The following SLCO5A1 variants were observed in gnomAD, a reference collection of about 807,000 sequenced individuals.
SLCO5A1 encodes organic anion transporter polypeptide-related protein 4.
A neutral mutation model predicts 65.1 loss-of-function variants in SLCO5A1; 39 were observed. That is an observed-to-expected ratio of 0.60 (90% CI 0.46 to 0.78). SLCO5A1 has a LOEUF of 0.78. Ranked by LOEUF, SLCO5A1 falls within the 30% of genes least tolerant of loss-of-function variation. SLCO5A1 has a pLI of 0.00. For synonymous variants in SLCO5A1, 438 were observed against 415.7 expected (o/e 1.05, Z -0.65); for missense variants, 1,029 against 1,069.4 (o/e 0.96, Z 0.53).
chr8:69,807,698 T>C (rs1296085720), intron 2 of SLCO5A1, among the ~76,000 whole-genome samples: 1 of 151,880 alleles, frequency 6.6e-6, no homozygotes, highest in Non-Finnish European at 1.5e-5. Context: ...TTTCCTGTTT[T>C]TTGTTTGTTT....
intron 6 of SLCO5A1, among the ~76,000 whole-genome samples, chr8:69,682,738 A>G (rs1052938449): frequency 1.3e-5 from 2 of 152,212 alleles, no homozygotes; most frequent in Non-Finnish European, 1.5e-5. Flanking sequence ...TGGAGAAAAT[A>G]CTTTTTAGTA....
chr8:69,794,203 G>A (rs1411462932), intron 2 of SLCO5A1: 5 of 399,842 alleles, frequency 1.3e-5, no homozygotes, highest in Admixed American at 9.0e-5. Flanking sequence ...GAAGGAGACT[G>A]GATGATAGAA....
intron 6 of SLCO5A1, among the ~76,000 whole-genome samples, chr8:69,686,534 A>G (rs1422886293): frequency 2.0e-5 from 3 of 152,198 alleles, no homozygotes; most frequent in Admixed American, 2.0e-4. Flanking sequence ...AGATCTCAGC[A>G]TAAGTTGTCT....
intron 6 of SLCO5A1, among the ~76,000 whole-genome samples, chr8:69,686,866 GA>G (rs1649778592): frequency 6.6e-6 from 1 of 152,126 alleles, no homozygotes; most frequent in East Asian, 1.9e-4. Context: ...GTGTGAGTCG[GA>G]AAGAGCTGGG....
intron 4 of SLCO5A1, among the ~76,000 whole-genome samples, chr8:69,750,637 C>G (rs1359957381): frequency 6.6e-6 from 1 of 152,154 alleles, no homozygotes; most frequent in East Asian, 1.9e-4. Context: ...ACATTCCTGA[C>G]ACCCGCCTCC....
chr8:69,784,886 A>AGAAGAAAG (rs1189392316), intron 2 of SLCO5A1, among the ~76,000 whole-genome samples: 7 of 122,164 alleles, frequency 5.7e-5, no homozygotes, highest in Admixed American at 8.5e-5. Flanking sequence ...AAAGAAAGAA[A>AGAAGAAAG]GAAGAAAGGA....
rs886250029 is a variant in SLCO5A1 at position 69,738,777 on chromosome 8, T to C, written c.1259-573A>G. Among the ~76,000 whole-genome samples the C allele has an allele frequency of 5.9e-5, 9 of 152,154 alleles. 1 individual carries two copies. Among genetic ancestry groups the C allele is most frequent in the East Asian group, 5.8e-4 (3 of 5,186 alleles). On this transcript the variant is annotated intron_variant, in intron 4 of 9. Coordinates refer to ENST00000260126, the MANE Select transcript of SLCO5A1 (RefSeq NM_030958.3). ...GGTCAGACACTCTGAGGTGCTTGAA[T>C]TGGGGAACAAAGATCTCCAAAGAGG...
chr8:69,674,791 C>T (rs148765119), intron 9 of SLCO5A1, among the ~76,000 whole-genome samples: 1,879 of 149,978 alleles, frequency 0.013, 42 homozygotes, highest in African/African-American at 0.041. Flanking sequence ...GAGGCCAAAG[C>T]GGGTGGATCA....
At chr8:69,808,163 CTT>C (rs879693167) in intron 2 of SLCO5A1, among the ~76,000 whole-genome samples, 16 of 138,980 alleles carry the variant, frequency 1.2e-4, no homozygotes, top group African/African-American at 1.6e-4. Flanking sequence ...GTAATGAAAG[CTT>C]TTTTTTTTTT....
chr8:69,676,756 A>G (rs1025755189), intron 8 of SLCO5A1, 83 bp from the exon 9 acceptor site: 18 of 1,177,744 alleles, frequency 1.5e-5, no homozygotes, highest in Non-Finnish European at 2.0e-5. Context: ...CTTTGTGCAG[A>G]GCCAGGGACT....
At chr8:69,776,443 A>G (rs1326012061) in intron 2 of SLCO5A1, among the ~76,000 whole-genome samples, 3 of 152,228 alleles carry the variant, frequency 2.0e-5, no homozygotes, top group Non-Finnish European at 4.4e-5. Context: ...CTGTAATCTC[A>G]GCATTTTGCA....
chr8:69,703,688 G>A (rs1814847181), intron 6 of SLCO5A1, among the ~76,000 whole-genome samples: 1 of 152,166 alleles, frequency 6.6e-6, no homozygotes, highest in African/African-American at 2.4e-5. Context: ...CTTGGGTTCT[G>A]GACAGTGGTG....
chr8:69,699,240 C>T (rs940673832), intron 6 of SLCO5A1, among the ~76,000 whole-genome samples: 3 of 152,134 alleles, frequency 2.0e-5, no homozygotes, highest in Admixed American at 2.0e-4. Flanking sequence ...CATAAGAGCA[C>T]CACACATAAA....
intron 4 of SLCO5A1, among the ~76,000 whole-genome samples, chr8:69,742,659 CG>C (rs1284481354): frequency 3.9e-5 from 6 of 152,108 alleles, no homozygotes; most frequent in Admixed American, 3.3e-4. Context: ...CCCATCATCA[CG>C]TGCACACGGA....
Position 69,833,002 on chromosome 8 carries a change from C to T in SLCO5A1, c.-329G>A, listed in dbSNP as rs1821243842. On this transcript the variant is annotated 5_prime_UTR_variant, in exon 2 of 10. Coordinates refer to ENST00000260126, the MANE Select transcript of SLCO5A1 (RefSeq NM_030958.3). ...GTCCCGGGCTCATCCCCTCCGCCGC[C>T]GCCGCCGCCGCCGCCGCTGGGCCCG... 6.3e-6 allele frequency: 2 copies of T among 317,486 alleles called. No individual in the cohort carries two copies. The highest frequency in any genetic ancestry group is 2.2e-5 in the African/African-American group (1 of 44,894). 19.7% of individuals were successfully genotyped at this position (317,486 alleles called of 1,614,324 possible).
At chr8:69,678,717 A>T (rs1813644861) in intron 8 of SLCO5A1, among the ~76,000 whole-genome samples, 1 of 152,038 alleles carries the variant, frequency 6.6e-6, no homozygotes, top group Non-Finnish European at 1.5e-5. Flanking sequence ...AACATTTTTA[A>T]TAGGACAAAA....
intron 5 of SLCO5A1, among the ~76,000 whole-genome samples, chr8:69,728,422 C>G (rs898150550): frequency 6.6e-6 from 1 of 152,030 alleles, no homozygotes; most frequent in Non-Finnish European, 1.5e-5. Context: ...ACAAATTTAA[C>G]TTTAAAATTT....
chr8:69,680,079 G>A (rs567911009), intron 7 of SLCO5A1, among the ~76,000 whole-genome samples: 4 of 152,318 alleles, frequency 2.6e-5, no homozygotes, highest in South Asian at 2.1e-4. Context: ...TAGTGCAATC[G>A]TGATGACTTT....
At chr8:69,754,991 C>T (rs1193450724) in intron 4 of SLCO5A1, among the ~76,000 whole-genome samples, 1 of 152,142 alleles carries the variant, frequency 6.6e-6, no homozygotes, top group African/African-American at 2.4e-5. Context: ...CCCTCCATGG[C>T]ACAATGCACT....
Sources: gnomAD v4.1 joint callset for allele counts (sites outside exome capture counted in the v4.1 genomes callset) on GRCh38, gnomAD v4.1.1 for gene constraint, MANE v1.5 for transcripts, NCBI Gene and HGNC (gene_info 2026-07-23, HGNC 2026-07-21) for gene names.